The following EXOC4 variants were observed in gnomAD, a reference collection of about 807,000 sequenced individuals.
EXOC4 encodes the protein SEC8-like 1.
EXOC4 carries 71 observed loss-of-function variants against 107.2 expected under a neutral mutation model. That is an observed-to-expected ratio of 0.66 (90% CI 0.55 to 0.81). The LOEUF (loss-of-function observed/expected upper bound fraction) is 0.81, where lower values mean the gene tolerates loss of function less well. EXOC4 is among the 30% of genes least tolerant of loss of function. The pLI is 0.00. For missense variants in EXOC4, 1,108 were observed against 1,189.6 expected, an observed-to-expected ratio of 0.93 and a Z score of 1.01; for synonymous variants, 456 against 441.2, an observed-to-expected ratio of 1.03 and a Z score of -0.42.
In EXOC4 at chr7:133,482,486, C is replaced by T. The variant is rs566951436; in HGVS notation, c.1417+2348C>T. Among the ~76,000 whole-genome samples, 18 of 152,310 alleles carry T rather than the reference C, an allele frequency of 1.2e-4. No individual in the cohort carries two copies. The East Asian group carries it at 2.9e-3, about 24-fold the overall frequency. On this transcript the variant is annotated intron_variant, in intron 9 of 17. Transcript: ENST00000253861. The stretch of plus-strand genomic sequence containing the variant: ...ATGAGTGAGAATGGAGAGCACTCTG[C>T]AGCAGCCGTGGGAAGGCTTTTCAGT...
intron 6 of EXOC4, among the ~76,000 whole-genome samples, chr7:133,359,360 C>A (rs1388973575): frequency 6.6e-6 from 1 of 152,154 alleles, no homozygotes; most frequent in Non-Finnish European, 1.5e-5. Flanking sequence ...GCTTGTGGTG[C>A]TTTTGTGCAT....
At chr7:133,518,416 C>T (rs1476325071) in intron 9 of EXOC4, among the ~76,000 whole-genome samples, 1 of 150,220 alleles carries the variant, frequency 6.7e-6, no homozygotes, top group Non-Finnish European at 1.5e-5. Context: ...TCATTCATGG[C>T]CTCTCCTATT....
At chr7:133,658,309 A>G (rs1041603980) in intron 10 of EXOC4, among the ~76,000 whole-genome samples, 1 of 152,064 alleles carries the variant, frequency 6.6e-6, no homozygotes, top group Admixed American at 6.6e-5. Context: ...TGAAAATGCA[A>G]CCAGGTGATT....
intron 6 of EXOC4, among the ~76,000 whole-genome samples, chr7:133,356,993 G>A (rs1796035893): frequency 6.6e-6 from 1 of 152,084 alleles, no homozygotes; most frequent in South Asian, 2.1e-4. Flanking sequence ...AAATAAAAAG[G>A]ATACTATAGC....
At position 133,397,985 on chromosome 7, in the gene EXOC4, T is replaced by C. The variant is rs184431192; in HGVS notation, c.1182+22983T>C. Among the ~76,000 whole-genome samples the C allele has an allele frequency of 4.9e-4, 74 of 152,326 alleles. 1 individual carries two copies. In the East Asian group the frequency reaches 8.1e-3, roughly 17 times the overall value. ...ACTGAGATTCAAATTCAGCTGTATCTTAATTCCAGTTAAACTTTTAATTAT... is the reference window on the plus strand; with the variant it reads ...ACTGAGATTCAAATTCAGCTGTATCCTAATTCCAGTTAAACTTTTAATTAT... On this transcript the variant is annotated intron_variant, in intron 7 of 17. Coordinates refer to ENST00000253861, the MANE Select transcript of EXOC4 (RefSeq NM_021807.4).
chr7:134,069,788 A>G (rs1796247591), downstream of EXOC4, among the ~76,000 whole-genome samples: 1 of 152,138 alleles, frequency 6.6e-6, no homozygotes, highest in Non-Finnish European at 1.5e-5. Flanking sequence ...CCATTTCTTG[A>G]TGGAACTAAT....
At chr7:133,628,961 C>T (rs1266716922) in intron 9 of EXOC4, among the ~76,000 whole-genome samples, 1 of 152,176 alleles carries the variant, frequency 6.6e-6, no homozygotes, top group Non-Finnish European at 1.5e-5. Context: ...CTGTTGGTGA[C>T]ACTGGATGAC....
At chr7:133,527,473 G>T (rs1380579535) in intron 9 of EXOC4, among the ~76,000 whole-genome samples, 1 of 152,028 alleles carries the variant, frequency 6.6e-6, no homozygotes, top group East Asian at 1.9e-4. Context: ...CCTCTATGTT[G>T]GTTAACTAAA....
chr7:133,675,658 G>A (rs982473560), intron 10 of EXOC4, among the ~76,000 whole-genome samples: 16 of 152,164 alleles, frequency 1.1e-4, no homozygotes, highest in Non-Finnish European at 2.1e-4. Context: ...ATTTGATTTA[G>A]AGCAGACTAC....
chr7:133,662,546 A>T (rs909791001), intron 10 of EXOC4, among the ~76,000 whole-genome samples: 11 of 152,250 alleles, frequency 7.2e-5, no homozygotes, highest in Middle Eastern at 6.8e-3. Context: ...TTCCATGATT[A>T]TCCTCACCTA....
intron 7 of EXOC4, among the ~76,000 whole-genome samples, chr7:133,439,520 A>C (rs1798058779): frequency 6.6e-6 from 1 of 151,452 alleles, no homozygotes; most frequent in Non-Finnish European, 1.5e-5. Flanking sequence ...CACTTATCAG[A>C]CCCCTCCCAA....
chr7:133,656,515 T>C (rs561826640), intron 10 of EXOC4, among the ~76,000 whole-genome samples: 1 of 152,094 alleles, frequency 6.6e-6, no homozygotes, highest in Admixed American at 6.5e-5. Flanking sequence ...AAATGGTGAG[T>C]GATCCTATTA....
intron 10 of EXOC4, among the ~76,000 whole-genome samples, chr7:133,681,996 CA>C (rs1383010755): frequency 3.9e-5 from 6 of 152,082 alleles, no homozygotes; most frequent in Non-Finnish European, 7.4e-5. Context: ...CTCAAACTCC[CA>C]GGGTCCATCA....
At chr7:133,981,744 A>G (rs1227242990) in intron 14 of EXOC4, among the ~76,000 whole-genome samples, 1 of 152,266 alleles carries the variant, frequency 6.6e-6, no homozygotes, top group African/African-American at 2.4e-5. Context: ...CAATCCCATT[A>G]CTGGGTATAT....
chr7:133,569,649 T>C (rs1800977837), intron 9 of EXOC4, among the ~76,000 whole-genome samples: 1 of 152,202 alleles, frequency 6.6e-6, no homozygotes, highest in Non-Finnish European at 1.5e-5. Flanking sequence ...TAGGTATGTG[T>C]GTGTAAGACA....
intron 14 of EXOC4, among the ~76,000 whole-genome samples, chr7:133,952,537 G>A (rs765223840): frequency 6.6e-6 from 1 of 152,150 alleles, no homozygotes; most frequent in Non-Finnish European, 1.5e-5. Flanking sequence ...GTCCAGTTTG[G>A]TGGCATTCAG....
chr7:133,873,304 A>C (rs1247186923), intron 11 of EXOC4, among the ~76,000 whole-genome samples: 1 of 152,190 alleles, frequency 6.6e-6, no homozygotes, highest in Admixed American at 6.5e-5. Context: ...CAACGGTCAA[A>C]CGTTGTTTTT....
intron 17 of EXOC4, among the ~76,000 whole-genome samples, chr7:134,060,006 A>G (rs1288896134): frequency 9.2e-5 from 14 of 152,200 alleles, no homozygotes. Context: ...TCGCAGTGCA[A>G]TACCATTAAA....
At chr7:133,824,426 C>G (rs976027887) in intron 11 of EXOC4, among the ~76,000 whole-genome samples, 1 of 152,114 alleles carries the variant, frequency 6.6e-6, no homozygotes, top group Non-Finnish European at 1.5e-5. Flanking sequence ...CAGCTGGTAA[C>G]TTCCCTTTCC....
Sources: gnomAD v4.1 joint callset for allele counts (sites outside exome capture counted in the v4.1 genomes callset) on GRCh38, gnomAD v4.1.1 for gene constraint, MANE v1.5 for transcripts, NCBI Gene and HGNC (gene_info 2026-07-23, HGNC 2026-07-21) for gene names.